Variants in ARHGAP6 observed in about 807,000 individuals in gnomAD.
ARHGAP6 encodes the protein rho GTPase-activating protein 6.
In ARHGAP6, 16 loss-of-function variants were observed where a neutral mutation model predicts 55.7. That is an observed-to-expected ratio of 0.29 (90% CI 0.19 to 0.44). ARHGAP6 has a LOEUF of 0.44. Ranked by LOEUF, ARHGAP6 falls within the 20% of genes least tolerant of loss-of-function variation. The pLI is 1.00. For synonymous variants in ARHGAP6, 382 were observed against 360.9 expected, an observed-to-expected ratio of 1.06 and a Z score of -0.66; for missense variants, 698 against 808.9, an observed-to-expected ratio of 0.86 and a Z score of 1.66.
chrX:11,371,348 G>C (rs2049141913), intron 1 of ARHGAP6, among the ~76,000 whole-genome samples: 2 of 111,964 alleles, frequency 1.8e-5, no homozygotes, highest in African/African-American at 6.5e-5. Flanking sequence ...ATTCATTTGT[G>C]TATTGTCTAT....
intron 1 of ARHGAP6, among the ~76,000 whole-genome samples, chrX:11,310,665 C>T (rs1487545502): frequency 8.9e-6 from 1 of 111,966 alleles, no homozygotes; most frequent in East Asian, 2.8e-4. Context: ...TCCGAGGTCA[C>T]CATTACTCCT....
At chrX:11,308,280 T>G (rs1347972041) in intron 1 of ARHGAP6, among the ~76,000 whole-genome samples, 3 of 112,258 alleles carry the variant, frequency 2.7e-5, no homozygotes, top group African/African-American at 9.7e-5. Context: ...TGTGAACACT[T>G]CGGTAACAAT....
At chrX:11,361,033 G>T (rs1270938096) in intron 1 of ARHGAP6, among the ~76,000 whole-genome samples, 1 of 111,041 alleles carries the variant, frequency 9.0e-6, no homozygotes, top group East Asian at 2.8e-4. Flanking sequence ...AACATTCCAT[G>T]CTCATGGGTA....
At chrX:11,323,977 A>G (rs1000695284) in intron 1 of ARHGAP6, among the ~76,000 whole-genome samples, 3 of 111,175 alleles carry the variant, frequency 2.7e-5, no homozygotes, top group African/African-American at 6.5e-5. Context: ...CATCTTGTTC[A>G]TGCTCTAATC....
intron 1 of ARHGAP6, among the ~76,000 whole-genome samples, chrX:11,453,178 T>C (rs777415277): frequency 1.0e-5 from 1 of 98,016 alleles, no homozygotes; most frequent in East Asian, 2.9e-4. Context: ...TTATGTGGAA[T>C]TGGCTCTCTC....
intron 1 of ARHGAP6, among the ~76,000 whole-genome samples, chrX:11,442,652 G>T (rs887330404): frequency 8.9e-6 from 1 of 112,375 alleles, no homozygotes. Flanking sequence ...GAAAGCCCAG[G>T]AGCACGCAGT....
intron 2 of ARHGAP6, among the ~76,000 whole-genome samples, chrX:11,216,392 G>T (rs181201336): frequency 8.9e-6 from 1 of 111,760 alleles, no homozygotes; most frequent in Non-Finnish European, 1.9e-5. Context: ...GGTGGCTCAC[G>T]CCTGTAATCC....
At chrX:11,578,362 T>G (rs894056156) in intron 1 of ARHGAP6, among the ~76,000 whole-genome samples, 2 of 112,343 alleles carry the variant, frequency 1.8e-5, no homozygotes, top group Non-Finnish European at 3.8e-5. Flanking sequence ...AACCACTTTT[T>G]GGGCAAAGGA....
intron 1 of ARHGAP6, among the ~76,000 whole-genome samples, chrX:11,542,009 T>C (rs2051162730): frequency 8.9e-6 from 1 of 111,791 alleles, no homozygotes; most frequent in East Asian, 2.8e-4. Flanking sequence ...TTTGTGTTTT[T>C]CCTTACTTAG....
chrX:11,276,109 T>C (rs911375204), intron 1 of ARHGAP6, among the ~76,000 whole-genome samples: 1 of 111,234 alleles, frequency 9.0e-6, no homozygotes, highest in Admixed American at 9.6e-5. Context: ...GATGTCTCAT[T>C]GAGGGAGGAA....
chrX:11,328,108 T>C (rs1238236532), intron 1 of ARHGAP6, among the ~76,000 whole-genome samples: 1 of 112,415 alleles, frequency 8.9e-6, no homozygotes, highest in Non-Finnish European at 1.9e-5. Context: ...ATCACTTTTG[T>C]GGTAAATTAT....
intron 10 of ARHGAP6, among the ~76,000 whole-genome samples, chrX:11,149,284 G>C (rs999257341): frequency 6.2e-5 from 7 of 112,028 alleles, no homozygotes; most frequent in African/African-American, 2.3e-4. Flanking sequence ...GTGAATCATA[G>C]TGAAGGTGTG....
intron 1 of ARHGAP6, among the ~76,000 whole-genome samples, chrX:11,551,079 A>C (rs1320430115): frequency 8.9e-6 from 1 of 111,848 alleles, no homozygotes; most frequent in Non-Finnish European, 1.9e-5. Context: ...GAACTGGAGG[A>C]GTGGTTAGAA....
At chrX:11,474,472 G>A (rs2050383343) in intron 1 of ARHGAP6, among the ~76,000 whole-genome samples, 1 of 112,490 alleles carries the variant, frequency 8.9e-6, no homozygotes, top group Admixed American at 9.4e-5. Flanking sequence ...CAAGAGAAAT[G>A]TTTTGGATGG....
intron 1 of ARHGAP6, among the ~76,000 whole-genome samples, chrX:11,352,375 C>T (rs1283524435): frequency 8.9e-6 from 1 of 112,013 alleles, no homozygotes; most frequent in African/African-American, 3.2e-5. Flanking sequence ...CCAAATAAGG[C>T]AATGGTCATG....
intron 2 of ARHGAP6, among the ~76,000 whole-genome samples, chrX:11,208,995 G>A (rs1345711632): frequency 8.9e-6 from 1 of 111,770 alleles, no homozygotes; most frequent in East Asian, 2.8e-4. Context: ...AAATGTTGAG[G>A]GAAGAAGGGA....
chrX:11,406,914 A>T (rs1345336637), intron 1 of ARHGAP6, among the ~76,000 whole-genome samples: 3 of 109,904 alleles, frequency 2.7e-5, no homozygotes, highest in African/African-American at 1.0e-4. Context: ...ACAGACTATT[A>T]CCTTACAGTG....
chrX:11,353,313 G>A (rs2048885175), intron 1 of ARHGAP6, among the ~76,000 whole-genome samples: 1 of 111,816 alleles, frequency 8.9e-6, no homozygotes, highest in East Asian at 2.8e-4. Flanking sequence ...CTAGTGTGGT[G>A]CTGTGGAGAC....
At chrX:11,595,781 C>T (rs1303381126) in intron 1 of ARHGAP6, among the ~76,000 whole-genome samples, 1 of 111,989 alleles carries the variant, frequency 8.9e-6, no homozygotes, top group Non-Finnish European at 1.9e-5. Context: ...AGACTCTTCT[C>T]AAAAGAAGAC....
Sources: gnomAD v4.1 joint callset for allele counts (sites outside exome capture counted in the v4.1 genomes callset) on GRCh38, gnomAD v4.1.1 for gene constraint, MANE v1.5 for transcripts, NCBI Gene and HGNC (gene_info 2026-07-23, HGNC 2026-07-21) for gene names.